Variants in GSK3B observed in about 807,000 individuals in gnomAD.
GSK3B encodes glycogen synthase kinase 3 beta, also known as glycogen synthase kinase-3 beta.
A neutral mutation model predicts 56.4 loss-of-function variants in GSK3B; 15 were observed. The observed-to-expected ratio is 0.27, with a 90% CI of 0.18 to 0.41. The LOEUF (loss-of-function observed/expected upper bound fraction) is 0.41, where lower values mean the gene tolerates loss of function less well. Among genes scored for constraint, GSK3B ranks in the 10% least tolerant of loss-of-function variants. The pLI is 1.00. For missense variants in GSK3B, 300 were observed against 513.4 expected, an observed-to-expected ratio of 0.58 and a Z score of 4.02; for synonymous variants, 181 against 188.9, an observed-to-expected ratio of 0.96 and a Z score of 0.34.
chr3:119,994,353 AAG>A (rs1363092875), intron 2 of GSK3B, among the ~76,000 whole-genome samples: 4 of 152,330 alleles, frequency 2.6e-5, no homozygotes, highest in Non-Finnish European at 4.4e-5. Context: ...TAAAGAAAAA[AAG>A]AATTAGAAAA....
chr3:119,866,599 T>C (rs201844866), intron 8 of GSK3B: 1 of 1,603,502 alleles, frequency 6.2e-7, no homozygotes, highest in African/African-American at 1.3e-5. Context: ...CCCGCACTCC[T>C]GAGGTGAAAT....
chr3:120,073,982 G>A (rs1284218282), intron 1 of GSK3B, among the ~76,000 whole-genome samples: 1 of 152,096 alleles, frequency 6.6e-6, no homozygotes, highest in East Asian at 1.9e-4. Flanking sequence ...AGAAATGAAA[G>A]TGGAGACATT....
At chr3:119,922,896 T>C (rs1265480712) in intron 4 of GSK3B, among the ~76,000 whole-genome samples, 1 of 152,162 alleles carries the variant, frequency 6.6e-6, no homozygotes, top group Non-Finnish European at 1.5e-5. Flanking sequence ...TGATATTAGA[T>C]ACCAAAAAAT....
At chr3:120,019,570 AAAC>A (rs1354846121) in intron 1 of GSK3B, among the ~76,000 whole-genome samples, 4 of 152,216 alleles carry the variant, frequency 2.6e-5, no homozygotes, top group African/African-American at 9.6e-5. Context: ...TTACCTGAGG[AAAC>A]AATTTCTTTT....
intron 10 of GSK3B, among the ~76,000 whole-genome samples, chr3:119,840,603 T>G (rs1252457062): frequency 6.6e-6 from 1 of 152,188 alleles, no homozygotes; most frequent in East Asian, 1.9e-4. Context: ...ACATGAATCT[T>G]AAACTACAGG....
At chr3:120,006,766 T>C (rs1274930458) in intron 1 of GSK3B, among the ~76,000 whole-genome samples, 2 of 152,130 alleles carry the variant, frequency 1.3e-5, no homozygotes, top group African/African-American at 4.8e-5. Flanking sequence ...TTTAAAGCAG[T>C]GTTTAGAGGG....
intron 2 of GSK3B, among the ~76,000 whole-genome samples, chr3:119,969,291 CAAAA>C (rs112664898): frequency 9.4e-6 from 1 of 106,858 alleles, no homozygotes; most frequent in Non-Finnish European, 2.0e-5. Flanking sequence ...GACTCCATCT[CAAAA>C]AAAAAAAAAA....
chr3:120,025,588 G>A (rs924224631), intron 1 of GSK3B, among the ~76,000 whole-genome samples: 1 of 152,110 alleles, frequency 6.6e-6, no homozygotes, highest in African/African-American at 2.4e-5. Context: ...AGAAAATTTC[G>A]TTGAAACTTT....
intron 2 of GSK3B, among the ~76,000 whole-genome samples, chr3:119,970,863 A>G (rs2057360298): frequency 6.6e-6 from 1 of 152,134 alleles, no homozygotes; most frequent in Non-Finnish European, 1.5e-5. Context: ...CTGGAGCATC[A>G]TGAAAACTAT....
In GSK3B at chr3:119,825,736, C is replaced by A; in HGVS notation, c.*1052G>T. 4.5e-6 allele frequency: 1 copy of A among 224,252 alleles called. No homozygotes were observed. The highest frequency in any genetic ancestry group is 5.7e-5 in the Admixed American group (1 of 17,428). 13.9% of individuals were successfully genotyped at this position (224,252 alleles called of 1,614,324 possible). A position where few individuals can be genotyped will look rare whatever the true frequency, so the allele number is the denominator to read the frequency against. ...TGGCTATTTCTGCAAGCTCAATTTT[C>A]AATTAAAAAATATGAAAAATAAACC... On this transcript the variant is annotated 3_prime_UTR_variant, in exon 11 of 11. Transcript: ENST00000264235.
intron 9 of GSK3B, among the ~76,000 whole-genome samples, chr3:119,849,741 G>A (rs1257161020): frequency 6.6e-6 from 1 of 152,160 alleles, no homozygotes; most frequent in East Asian, 1.9e-4. Context: ...ATCCAAAGAT[G>A]CTTAAGTCCC....
chr3:119,837,598 GT>G (rs2055710952), intron 10 of GSK3B, among the ~76,000 whole-genome samples: 2 of 152,040 alleles, frequency 1.3e-5, no homozygotes, highest in Middle Eastern at 3.4e-3. Flanking sequence ...GAAATCCATG[GT>G]TTTTAACAGC....
chr3:119,931,548 G>A (rs1264260435), intron 3 of GSK3B, among the ~76,000 whole-genome samples: 2 of 152,066 alleles, frequency 1.3e-5, no homozygotes, highest in Admixed American at 6.5e-5. Context: ...CCCAGGAGGC[G>A]GAGGTTGCAG....
chr3:119,943,637 C>A (rs2057071320), intron 3 of GSK3B, among the ~76,000 whole-genome samples: 1 of 151,872 alleles, frequency 6.6e-6, no homozygotes, highest in Admixed American at 6.6e-5. Flanking sequence ...CAGATGAGAA[C>A]CCATATACAG....
intron 1 of GSK3B, among the ~76,000 whole-genome samples, chr3:120,013,154 G>A (rs142186631): frequency 8.5e-5 from 13 of 152,176 alleles, no homozygotes; most frequent in African/African-American, 1.9e-4. Context: ...TCCACTCCAC[G>A]ATGAATACGG....
At chr3:120,032,456 C>G (rs2057985513) in intron 1 of GSK3B, among the ~76,000 whole-genome samples, 1 of 150,454 alleles carries the variant, frequency 6.6e-6, no homozygotes, top group South Asian at 2.1e-4. Flanking sequence ...GCCTGGGCAA[C>G]AGAGTGAGAC....
intron 2 of GSK3B, among the ~76,000 whole-genome samples, chr3:119,969,684 A>T (rs1055912634): frequency 6.6e-6 from 1 of 152,324 alleles, no homozygotes; most frequent in African/African-American, 2.4e-5. Flanking sequence ...GCAAACAAAT[A>T]TGGTCAACTA....
rs145049043 is a variant in GSK3B at position 119,875,332 on chromosome 3, G to T, written c.909+1081C>A. ...GAAACATACTTTGATTCTACAGAGG[G>T]TAAATTATTTCACCTATAGCCCTAA... On this transcript the variant is annotated intron_variant, in intron 8 of 10. Coordinates refer to ENST00000264235, the MANE Select transcript of GSK3B (RefSeq NM_001146156.2). 2.8e-3 allele frequency among the ~76,000 whole-genome samples: 430 copies of T among 152,034 alleles called. 2 individuals carry two copies. The highest frequency in any genetic ancestry group is 4.5e-3 in the Non-Finnish European group (307 of 67,958).
chr3:120,030,247 T>C (rs989181374), intron 1 of GSK3B, among the ~76,000 whole-genome samples: 5 of 152,194 alleles, frequency 3.3e-5, no homozygotes, highest in African/African-American at 7.2e-5. Context: ...TTCTCTTCTA[T>C]CTTCTGTCTC....
Sources: allele counts gnomAD v4.1 joint callset (sites outside exome capture counted in the v4.1 genomes callset), GRCh38; gene constraint gnomAD v4.1.1; transcripts MANE v1.5; gene names NCBI Gene and HGNC (gene_info 2026-07-23, HGNC 2026-07-21).